CAMKMT: variants seen among roughly 807,000 people sequenced by gnomAD.
The protein encoded by CAMKMT is CaM KMT.
In CAMKMT, 53 loss-of-function variants were observed where a neutral mutation model predicts 48.0. That is an observed-to-expected ratio of 1.10 (90% CI 0.89 to 1.39). The LOEUF (loss-of-function observed/expected upper bound fraction) is 1.39. Among genes scored for constraint, CAMKMT ranks in the 40% most tolerant of loss-of-function variants. The pLI is 0.00. For synonymous variants in CAMKMT, 165 were observed against 152.3 expected (o/e 1.08, Z -0.61); for missense variants, 428 against 402.7 (o/e 1.06, Z -0.54).
chr2:44,508,852 C>G (rs935694136), intron 3 of CAMKMT, among the ~76,000 whole-genome samples: 1 of 151,822 alleles, frequency 6.6e-6, no homozygotes, highest in African/African-American at 2.4e-5. Context: ...TCCCAGCACT[C>G]CGGGAGGCCA....
At chr2:44,630,873 T>G (rs1171122958) in intron 3 of CAMKMT, among the ~76,000 whole-genome samples, 2 of 151,872 alleles carry the variant, frequency 1.3e-5, no homozygotes, top group African/African-American at 4.8e-5. Context: ...GAAATACTAT[T>G]TGACCCAGCC....
intron 2 of CAMKMT, among the ~76,000 whole-genome samples, chr2:44,387,529 G>A (rs1680889827): frequency 6.6e-6 from 1 of 152,152 alleles, no homozygotes; most frequent in African/African-American, 2.4e-5. Context: ...GTATCGAAAT[G>A]TGAGGTACCC....
chr2:44,757,602 C>T (rs1240191337), intron 9 of CAMKMT, among the ~76,000 whole-genome samples: 1 of 147,300 alleles, frequency 6.8e-6, no homozygotes, highest in Non-Finnish European at 1.5e-5. Flanking sequence ...CTCGCTCTGT[C>T]ACCCAGGCTG....
chr2:44,393,504 A>G (rs1024065058), intron 3 of CAMKMT: 3 of 152,204 alleles, frequency 2.0e-5, no homozygotes, highest in African/African-American at 7.2e-5. Flanking sequence ...CCATTTTGAA[A>G]GTGCTTACCT....
intron 3 of CAMKMT, among the ~76,000 whole-genome samples, chr2:44,649,392 A>G (rs1245316041): frequency 6.6e-6 from 1 of 152,080 alleles, no homozygotes; most frequent in Admixed American, 6.6e-5. Flanking sequence ...AAGAGAAGGA[A>G]GTTGGATAAT....
chr2:44,403,292 A>AC (rs1376224647), intron 3 of CAMKMT, among the ~76,000 whole-genome samples: 1 of 151,892 alleles, frequency 6.6e-6, no homozygotes, highest in Non-Finnish European at 1.5e-5. Flanking sequence ...CAGTTACTCC[A>AC]CCCCCAATTA....
rs1319890244 is a variant in CAMKMT, at chr2:44,614,936, C to T, written c.377-89347C>T. Among the ~76,000 whole-genome samples, 32 of 48,988 alleles carry T rather than the reference C, an allele frequency of 6.5e-4. 1 individual carries two copies. The highest frequency in any genetic ancestry group is 1.1e-3 in the African/African-American group (11 of 9,642). The allele number at this position is 48,988 out of a possible 152,430, so 32.1% of individuals were successfully genotyped here. A position where few individuals can be genotyped will look rare whatever the true frequency, so the allele number is the denominator to read the frequency against. On this transcript the variant is annotated intron_variant, in intron 3 of 10. Coordinates refer to ENST00000378494, the MANE Select transcript of CAMKMT (RefSeq NM_024766.5). ...TCTAACCAGCTCTTTGGTCTCCTTG[C>T]TTTTTTTTTTTTTTTTTTTTTTTTG...
At chr2:44,606,795 A>G (rs2103878982) in intron 3 of CAMKMT, among the ~76,000 whole-genome samples, 1 of 148,832 alleles carries the variant, frequency 6.7e-6, no homozygotes. Flanking sequence ...TGACTTAGAA[A>G]TTTCTTAATG....
intron 3 of CAMKMT, among the ~76,000 whole-genome samples, chr2:44,651,259 C>T (rs1674046150): frequency 6.6e-6 from 1 of 152,212 alleles, no homozygotes; most frequent in Non-Finnish European, 1.5e-5. Context: ...AAAGTGAAAA[C>T]TTGGGAGCAA....
At chr2:44,620,185 T>G (rs1301068484) in intron 3 of CAMKMT, among the ~76,000 whole-genome samples, 1 of 152,218 alleles carries the variant, frequency 6.6e-6, no homozygotes, top group Non-Finnish European at 1.5e-5. Context: ...TATTCAGAAT[T>G]ACCAGTGATT....
rs957354949 is a variant in CAMKMT at position 44,390,324 on chromosome 2, C to T, written c.376+19C>T. ...AATGTTTGTAAGTTATACATTCACT[C>T]TATAGAAATATATTTAGTGTTTTAC... On this transcript the variant is annotated intron_variant, in intron 3 of 10. Transcript: ENST00000378494. The T allele has an allele frequency of 6.6e-7, 1 of 1,520,772 alleles. No individual in the cohort carries two copies. The highest frequency in any genetic ancestry group is 9.0e-7 in the Non-Finnish European group (1 of 1,109,754). 94.2% of individuals were successfully genotyped at this position (1,520,772 alleles called of 1,614,324 possible).
intron 3 of CAMKMT, among the ~76,000 whole-genome samples, chr2:44,498,935 C>T (rs376594030): frequency 1.7e-4 from 26 of 152,198 alleles, no homozygotes; most frequent in African/African-American, 6.3e-4. Flanking sequence ...GGAGGGATTT[C>T]TCTCAAGTAT....
intron 3 of CAMKMT, among the ~76,000 whole-genome samples, chr2:44,611,318 A>G (rs1423363370): frequency 2.0e-5 from 3 of 152,040 alleles, no homozygotes; most frequent in Admixed American, 6.6e-5. Context: ...CTGTAATCCC[A>G]GCTACTCGGG....
At chr2:44,457,943 C>T (rs937246964) in intron 3 of CAMKMT, among the ~76,000 whole-genome samples, 4 of 151,518 alleles carry the variant, frequency 2.6e-5, no homozygotes, top group African/African-American at 7.3e-5. Flanking sequence ...AAGCATGGAA[C>T]AGCCTGCACA....
Position 44,772,213 on chromosome 2 carries a change from C to G in CAMKMT, c.*100C>G. On this transcript the variant is annotated 3_prime_UTR_variant, in exon 11 of 11. Transcript: ENST00000378494. ...AGGGGTATAATCGCCTGCCTGCGCC[C>G]TTTGCAGCATTTCACGTGTGGGCTA... 2 of 952,112 alleles carry G rather than the reference C, an allele frequency of 2.1e-6. No individual in the cohort carries two copies. Among genetic ancestry groups the G allele is most frequent in the Non-Finnish European group, 3.3e-6 (2 of 611,742 alleles). 59.0% of individuals were successfully genotyped at this position (952,112 alleles called of 1,614,324 possible).
At chr2:44,617,760 C>T (rs566005478) in intron 3 of CAMKMT, among the ~76,000 whole-genome samples, 21 of 152,276 alleles carry the variant, frequency 1.4e-4, no homozygotes, top group Admixed American at 1.1e-3. Context: ...GAATATAGTG[C>T]ATTTTCTCTG....
intron 3 of CAMKMT, among the ~76,000 whole-genome samples, chr2:44,615,656 A>G (rs10153718): frequency 0.56 from 85,326 of 151,884 alleles, 24,790 homozygotes; most frequent in Admixed American, 0.66. Context: ...GCATGATTTG[A>G]GTTGGTATAC....
At chr2:44,404,031 T>C (rs1302585157) in intron 3 of CAMKMT, among the ~76,000 whole-genome samples, 1 of 152,214 alleles carries the variant, frequency 6.6e-6, no homozygotes, top group Non-Finnish European at 1.5e-5. Context: ...TAATTTAATA[T>C]ACCATTAAAA....
chr2:44,634,822 TCAGA>T (rs557621326), intron 3 of CAMKMT, among the ~76,000 whole-genome samples: 203 of 111,132 alleles, frequency 1.8e-3, no homozygotes, highest in African/African-American at 4.7e-3. Context: ...AGCATTCTAG[TCAGA>T]CAGAGCAATA....
Sources: gnomAD v4.1 joint callset for allele counts (sites outside exome capture counted in the v4.1 genomes callset) on GRCh38, gnomAD v4.1.1 for gene constraint, MANE v1.5 for transcripts, NCBI Gene and HGNC (gene_info 2026-07-23, HGNC 2026-07-21) for gene names.